Variants in TRAPPC10 observed in about 807,000 individuals in gnomAD.
TRAPPC10 encodes TRAPP 130 kDa subunit.
In TRAPPC10, 23 loss-of-function variants were observed where a neutral mutation model predicts 125.5. The observed-to-expected ratio is 0.18, with a 90% CI of 0.13 to 0.26. The LOEUF (loss-of-function observed/expected upper bound fraction) is 0.26. Among genes scored for constraint, TRAPPC10 ranks in the 10% least tolerant of loss-of-function variants. TRAPPC10 has a pLI of 1.00. For synonymous variants in TRAPPC10, 509 were observed against 518.0 expected, an observed-to-expected ratio of 0.98 and a Z score of 0.24; for missense variants, 1,123 against 1,308.4, an observed-to-expected ratio of 0.86 and a Z score of 2.19.
intron 13 of TRAPPC10, among the ~76,000 whole-genome samples, chr21:44,081,257 C>A (rs892921359): frequency 6.6e-6 from 1 of 151,902 alleles, no homozygotes; most frequent in Non-Finnish European, 1.5e-5. Flanking sequence ...GCTTTTTGGG[C>A]TCAATTGCTC....
intron 1 of TRAPPC10, 71 bp downstream of exon 1, chr21:44,012,631 C>A: frequency 2.2e-6 from 3 of 1,369,604 alleles, no homozygotes; most frequent in Non-Finnish European, 3.0e-6. Context: ...ATGCACCCGG[C>A]GCCCCCAGAC....
chr21:44,037,472 T>C (rs939332470), intron 2 of TRAPPC10, among the ~76,000 whole-genome samples: 1 of 152,230 alleles, frequency 6.6e-6, no homozygotes, highest in East Asian at 1.9e-4. Context: ...GACATAATTA[T>C]AGATTCCGTT....
intron 9 of TRAPPC10, 42 bp from the exon 10 acceptor site, chr21:44,076,510 A>G (rs1246214563): frequency 1.3e-6 from 2 of 1,484,768 alleles, no homozygotes; most frequent in South Asian, 2.3e-5. Context: ...GTGACTGGAC[A>G]TGATGAAGAT....
Position 44,060,911 on chromosome 21 carries a change from T to TACAC in TRAPPC10, c.790+1700_790+1701insCACA, listed in dbSNP as rs1230320455. Among the ~76,000 whole-genome samples the TACAC allele has an allele frequency of 3.5e-3, 377 of 106,424 alleles. 3 individuals carry two copies. Among genetic ancestry groups the TACAC allele is most frequent in the African/African-American group, 0.018 (333 of 19,000 alleles). The allele number at this position is 106,424 out of a possible 152,430, so 69.8% of individuals were successfully genotyped here. ...CCACCATGCCCAGCCTATACATACA[T>TACAC]ACATACACACACACACACACACACA... is the stretch of plus-strand genomic sequence containing the variant. On this transcript the variant is annotated intron_variant, in intron 6 of 22. Transcript: ENST00000291574.
chr21:44,077,833 G>A (rs2037399728), intron 11 of TRAPPC10, 49 bp downstream of exon 11: 6 of 1,402,878 alleles, frequency 4.3e-6, no homozygotes, highest in Middle Eastern at 3.7e-4. Context: ...CAAATAACAC[G>A]AGAAGATTTG....
At chr21:44,051,220 C>T (rs916589205) in intron 3 of TRAPPC10, among the ~76,000 whole-genome samples, 1 of 152,158 alleles carries the variant, frequency 6.6e-6, no homozygotes, top group African/African-American at 2.4e-5. Flanking sequence ...TAAGATTTAA[C>T]TCACTCGTGG....
intron 1 of TRAPPC10, among the ~76,000 whole-genome samples, chr21:44,016,020 C>A (rs888010752): frequency 6.6e-6 from 1 of 152,182 alleles, no homozygotes; most frequent in African/African-American, 2.4e-5. Flanking sequence ...GAACTAGTTA[C>A]AGCTTGTAAA....
At chr21:44,021,297 G>A (rs923406441) in intron 1 of TRAPPC10, among the ~76,000 whole-genome samples, 1 of 152,082 alleles carries the variant, frequency 6.6e-6, no homozygotes, top group Non-Finnish European at 1.5e-5. Flanking sequence ...AGGGGCTTGG[G>A]TTATGTCAGA....
chr21:44,090,958 C>T (rs1016292429), intron 18 of TRAPPC10, among the ~76,000 whole-genome samples: 10 of 151,618 alleles, frequency 6.6e-5, no homozygotes, highest in South Asian at 2.1e-4. Context: ...TTTGGGAGGC[C>T]GAGGCAGGCG....
intron 3 of TRAPPC10, among the ~76,000 whole-genome samples, chr21:44,043,208 G>C (rs1213771279): frequency 3.2e-4 from 40 of 123,964 alleles, no homozygotes; most frequent in Non-Finnish European, 4.8e-5. Flanking sequence ...TAATTATTAC[G>C]CTTTTTTTTT....
At chr21:44,022,500 G>A (rs2032632746) in intron 1 of TRAPPC10, among the ~76,000 whole-genome samples, 1 of 133,764 alleles carries the variant, frequency 7.5e-6, no homozygotes, top group South Asian at 2.5e-4. Flanking sequence ...TGTTAGTAGA[G>A]ATGGGGTTTC....
At chr21:44,090,158 T>C (rs923582193) in intron 18 of TRAPPC10, among the ~76,000 whole-genome samples, 1 of 152,080 alleles carries the variant, frequency 6.6e-6, no homozygotes, top group Non-Finnish European at 1.5e-5. Flanking sequence ...ATGGTTGCTT[T>C]GTGTGACTTG....
chr21:44,052,518 A>G, intron 4 of TRAPPC10, 42 bp downstream of exon 4: 1 of 1,534,940 alleles, frequency 6.5e-7, no homozygotes, highest in Non-Finnish European at 8.8e-7. Flanking sequence ...TTAATACTTG[A>G]CATGATACAG....
chr21:44,032,379 C>CTTTTTTT (rs1200011844), intron 2 of TRAPPC10, among the ~76,000 whole-genome samples: 8 of 108,466 alleles, frequency 7.4e-5, no homozygotes, highest in African/African-American at 1.1e-4. Context: ...CCATGGTTTT[C>CTTTTTTT]TTTTTTTTTT....
intron 7 of TRAPPC10, among the ~76,000 whole-genome samples, chr21:44,069,300 G>A (rs1419493023): frequency 6.6e-6 from 1 of 152,122 alleles, no homozygotes; most frequent in Admixed American, 6.5e-5. Context: ...CTTACTCCAG[G>A]GCGTACTGTG....
chr21:44,061,094 C>T (rs1411432552), intron 6 of TRAPPC10, among the ~76,000 whole-genome samples: 1 of 151,616 alleles, frequency 6.6e-6, no homozygotes, highest in Non-Finnish European at 1.5e-5. Context: ...CGCACCACCA[C>T]GCCCAGCTAA....
intron 2 of TRAPPC10, among the ~76,000 whole-genome samples, chr21:44,032,399 T>C (rs945401015): frequency 1.3e-5 from 2 of 150,184 alleles, no homozygotes; most frequent in East Asian, 1.9e-4. Context: ...TTTTTTTTTT[T>C]TGAGACAGAG....
At chr21:44,031,207 A>C (rs1165938870) in intron 1 of TRAPPC10, among the ~76,000 whole-genome samples, 1 of 152,214 alleles carries the variant, frequency 6.6e-6, no homozygotes, top group Non-Finnish European at 1.5e-5. Context: ...CAGATGTGTT[A>C]ATGGCACACA....
intron 20 of TRAPPC10, 33 bp downstream of exon 20, chr21:44,094,266 T>G (rs77989987): frequency 2.0e-6 from 3 of 1,513,880 alleles, no homozygotes. Context: ...AGGGTGGGGG[T>G]GAAAAAATGA....
Sources: allele counts gnomAD v4.1 joint callset (sites outside exome capture counted in the v4.1 genomes callset), GRCh38; gene constraint gnomAD v4.1.1; transcripts MANE v1.5; gene names NCBI Gene and HGNC (gene_info 2026-07-23, HGNC 2026-07-21).